The following OTUD7A variants were observed in gnomAD, a reference collection of about 807,000 sequenced individuals.
The protein encoded by OTUD7A is OTU deubiquitinase 7A.
Under a neutral mutation model 65.7 loss-of-function variants are expected in OTUD7A, and 12 were observed. The observed-to-expected ratio is 0.18, with a 90% CI of 0.12 to 0.30. The LOEUF (loss-of-function observed/expected upper bound fraction) is 0.30. Ranked by LOEUF, OTUD7A falls within the 10% of genes least tolerant of loss-of-function variation. The probability of loss-of-function intolerance (pLI) is 1.00; values close to 1 mark genes in which losing one functional copy is unlikely to be tolerated. For missense variants in OTUD7A, 1,148 were observed against 1,304.8 expected (o/e 0.88, Z 1.85); for synonymous variants, 641 against 586.3 (o/e 1.09, Z -1.35).
At chr15:31,744,573 T>C (rs2141376466) in intron 1 of OTUD7A, among the ~76,000 whole-genome samples, 1 of 152,272 alleles carries the variant, frequency 6.6e-6, no homozygotes, top group African/African-American at 2.4e-5. Context: ...ATACAGGGCA[T>C]TTTTAAAAAT....
intron 1 of OTUD7A, among the ~76,000 whole-genome samples, chr15:31,770,953 T>G (rs906824864): frequency 3.9e-5 from 6 of 152,176 alleles, no homozygotes; most frequent in Non-Finnish European, 8.8e-5. Flanking sequence ...ATATCAGACT[T>G]GACGGTGCAA....
intron 3 of OTUD7A, among the ~76,000 whole-genome samples, chr15:31,594,901 A>G (rs1280431095): frequency 6.6e-6 from 1 of 152,178 alleles, no homozygotes; most frequent in Non-Finnish European, 1.5e-5. Context: ...TCTTCCCAGG[A>G]GACTGCATCC....
chr15:31,556,511 G>A (rs1437777013), intron 5 of OTUD7A: 1 of 152,134 alleles, frequency 6.6e-6, no homozygotes, highest in Non-Finnish European at 1.5e-5. Context: ...TAGTCTGGAA[G>A]GTAAAATATA....
intron 3 of OTUD7A, among the ~76,000 whole-genome samples, chr15:31,610,877 C>T (rs1242605137): frequency 6.6e-6 from 1 of 151,446 alleles, no homozygotes; most frequent in East Asian, 1.9e-4. Context: ...GATCTGCCTG[C>T]CTCGGACTCC....
rs142774917 is a variant in OTUD7A, at chr15:31,596,662, T to A, written c.152-26465A>T. Among the ~76,000 whole-genome samples, 367 of 152,332 alleles carry A rather than the reference T, an allele frequency of 2.4e-3. 1 individual carries two copies. The highest frequency in any genetic ancestry group is 8.5e-3 in the African/African-American group (354 of 41,580). On this transcript the variant is annotated intron_variant, in intron 3 of 12. Coordinates refer to ENST00000307050, the MANE Select transcript of OTUD7A (RefSeq NM_001382637.1). ...CTTCGTATTGTCAGCATTCTTAATT[T>A]TTTTTTGTTTTGGTGGGTGTGCAGT...
chr15:31,505,543 A>G (rs978793496), intron 8 of OTUD7A, among the ~76,000 whole-genome samples: 2 of 151,998 alleles, frequency 1.3e-5, no homozygotes, highest in Admixed American at 1.3e-4. Flanking sequence ...TACTTTTTAC[A>G]ATTCTCCCTC....
chr15:31,614,856 C>T (rs1003128546), intron 3 of OTUD7A, among the ~76,000 whole-genome samples: 3 of 152,064 alleles, frequency 2.0e-5, no homozygotes, highest in Non-Finnish European at 4.4e-5. Flanking sequence ...TATTAATATA[C>T]AAGGCAGAAG....
At chr15:31,741,612 G>A (rs1258684277) in intron 1 of OTUD7A, among the ~76,000 whole-genome samples, 1 of 151,844 alleles carries the variant, frequency 6.6e-6, no homozygotes, top group African/African-American at 2.4e-5. Flanking sequence ...AATCACAACT[G>A]AAATAATAAA....
chr15:31,490,783 T>G (rs1318781594), intron 10 of OTUD7A, among the ~76,000 whole-genome samples: 5 of 152,246 alleles, frequency 3.3e-5, no homozygotes, highest in Non-Finnish European at 5.9e-5. Context: ...GCAGGAGTTC[T>G]AAGAGAGTGT....
chr15:31,785,384 T>C (rs965001182), intron 1 of OTUD7A, among the ~76,000 whole-genome samples: 1 of 152,222 alleles, frequency 6.6e-6, no homozygotes, highest in African/African-American at 2.4e-5. Flanking sequence ...TCTCATATTT[T>C]TCTGTTTAGA....
chr15:31,533,459 A>G (rs1221356518), intron 5 of OTUD7A, among the ~76,000 whole-genome samples: 1 of 151,994 alleles, frequency 6.6e-6, no homozygotes, highest in Non-Finnish European at 1.5e-5. Flanking sequence ...CTAGTCTCGA[A>G]CTCCTGACCT....
At chr15:31,502,499 A>C (rs1313177262) in intron 9 of OTUD7A, among the ~76,000 whole-genome samples, 1 of 152,080 alleles carries the variant, frequency 6.6e-6, no homozygotes, top group African/African-American at 2.4e-5. Context: ...GTATTGCTGC[A>C]CTCCTTGAGC....
At chr15:31,825,355 A>G (rs1383776287) in intron 1 of OTUD7A, among the ~76,000 whole-genome samples, 1 of 152,230 alleles carries the variant, frequency 6.6e-6, no homozygotes, top group Non-Finnish European at 1.5e-5. Context: ...CATGGATGGA[A>G]GCAGGCAAGG....
intron 4 of OTUD7A, among the ~76,000 whole-genome samples, chr15:31,559,689 C>T (rs533416092): frequency 1.3e-5 from 2 of 152,120 alleles, no homozygotes; most frequent in Non-Finnish European, 2.9e-5. Flanking sequence ...TATATACATG[C>T]CCACGCACAT....
chr15:31,584,435 C>T (rs537178881), intron 3 of OTUD7A, among the ~76,000 whole-genome samples: 81 of 152,150 alleles, frequency 5.3e-4, no homozygotes, highest in Non-Finnish European at 9.6e-4. Flanking sequence ...TCAACTGACC[C>T]GCCCTGGGCT....
At position 31,758,529 on chromosome 15, in the gene OTUD7A, TCTC is replaced by T. The variant is rs1341243279; in HGVS notation, c.-99-101455_-99-101453del. Among the ~76,000 whole-genome samples, 81 of 152,372 alleles carry T rather than the reference TCTC, an allele frequency of 5.3e-4. 1 individual carries two copies. Among genetic ancestry groups the T allele is most frequent in the African/African-American group, 1.9e-3 (80 of 41,592 alleles). ...TCCCACATCAGTGCCAGAACTGTAT[TCTC>T]CTCTCTAGCTATGGGAATACTGCTC... On this transcript the variant is annotated intron_variant, in intron 1 of 12. Transcript: ENST00000307050.
At chr15:31,549,412 C>T (rs1888246108) in intron 5 of OTUD7A, among the ~76,000 whole-genome samples, 4 of 152,312 alleles carry the variant, frequency 2.6e-5, no homozygotes, top group Middle Eastern at 3.4e-3. Flanking sequence ...GGGGTGTACT[C>T]CTGTGTCATC....
At chr15:31,580,849 C>A (rs143518347) in intron 3 of OTUD7A, among the ~76,000 whole-genome samples, 1 of 152,068 alleles carries the variant, frequency 6.6e-6, no homozygotes, top group Non-Finnish European at 1.5e-5. Context: ...GAGGACACAG[C>A]CAAACCATAT....
chr15:31,792,436 A>G (rs886963169), intron 1 of OTUD7A, among the ~76,000 whole-genome samples: 1 of 151,928 alleles, frequency 6.6e-6, no homozygotes, highest in African/African-American at 2.4e-5. Context: ...CGCCCTCTCC[A>G]TAGCATCCCT....
Sources: allele counts gnomAD v4.1 joint callset (sites outside exome capture counted in the v4.1 genomes callset), GRCh38; gene constraint gnomAD v4.1.1; transcripts MANE v1.5; gene names NCBI Gene and HGNC (gene_info 2026-07-23, HGNC 2026-07-21).